The following DCBLD2 variants were observed in gnomAD, a reference collection of about 807,000 sequenced individuals.
DCBLD2 encodes discoidin, CUB and LCCL domain-containing protein 2.
A neutral mutation model predicts 86.8 loss-of-function variants in DCBLD2; 54 were observed. The observed-to-expected ratio is 0.62, with a 90% confidence interval of 0.50 to 0.78. DCBLD2 has a LOEUF of 0.78. Ranked by LOEUF, DCBLD2 falls within the 30% of genes least tolerant of loss-of-function variation. The pLI is 0.00. For synonymous variants in DCBLD2, 354 were observed against 341.3 expected, an observed-to-expected ratio of 1.04 and a Z score of -0.41; for missense variants, 908 against 954.2, an observed-to-expected ratio of 0.95 and a Z score of 0.64.
chr3:98,819,128 A>C, intron 8 of DCBLD2, 74 bp downstream of exon 8: 1 of 1,390,350 alleles, frequency 7.2e-7, no homozygotes. Flanking sequence ...TTTTCTCTGA[A>C]AATCTTAGAT....
chr3:98,870,650 TAGAG>T (rs1224947221), intron 2 of DCBLD2, among the ~76,000 whole-genome samples: 3 of 83,960 alleles, frequency 3.6e-5, no homozygotes, highest in Non-Finnish European at 7.3e-5. Context: ...GAAGAAGAGA[TAGAG>T]AAAGAGAGAG....
chr3:98,835,941 T>TC (rs1553726363), intron 3 of DCBLD2, among the ~76,000 whole-genome samples: 312 of 135,652 alleles, frequency 2.3e-3, no homozygotes, highest in Admixed American at 6.9e-3. Flanking sequence ...TTTCTTTCTT[T>TC]TTTTTTTTTT....
intron 9 of DCBLD2, chr3:98,814,247 C>T (rs1941985732): frequency 6.6e-6 from 1 of 152,130 alleles, no homozygotes; most frequent in African/African-American, 2.4e-5. Flanking sequence ...CTAGTGAGCT[C>T]CCGTGATTTC....
Position 98,901,271 on chromosome 3 carries a change from C to G in DCBLD2, c.56G>C (p.Arg19Pro). The G allele has an allele frequency of 6.5e-7, 1 of 1,530,172 alleles. No homozygotes were observed. The highest frequency in any genetic ancestry group is 2.5e-5 in the East Asian group (1 of 40,762). The allele number at this position is 1,530,172 out of a possible 1,614,324, so 94.8% of individuals were successfully genotyped here. A position where few individuals can be genotyped will look rare whatever the true frequency, so the allele number is the denominator to read the frequency against. Residue 19 changes from arginine to proline, a missense_variant, in exon 1 of 16, where the codon CGG (arginine) becomes CCG (proline). Arg to Pro is a moderately radical substitution (Grantham distance 103, BLOSUM62 -2). Transcript: ENST00000326840. Reference sequence around the variant, plus strand: ...CCAGGCGGGGGCGGCGGCCGCGGCCCGGACTTGGGGACACTGCGGGCAGCG... The same window carrying G: ...CCAGGCGGGGGCGGCGGCCGCGGCCGGGACTTGGGGACACTGCGGGCAGCG... ...ARRCPQCPQVRAAAAAPAWAA... is the reference protein window; with the variant it reads ...ARRCPQCPQVPAAAAAPAWAA...
At chr3:98,868,602 C>A (rs1943203167) in intron 2 of DCBLD2, among the ~76,000 whole-genome samples, 1 of 152,022 alleles carries the variant, frequency 6.6e-6, no homozygotes, top group South Asian at 2.1e-4. Flanking sequence ...TTTTTAATCC[C>A]TTACCACCCT....
intron 2 of DCBLD2, among the ~76,000 whole-genome samples, chr3:98,867,087 C>T (rs1177971674): frequency 2.0e-5 from 3 of 152,174 alleles, no homozygotes; most frequent in South Asian, 2.1e-4. Context: ...GGTCCCAGTA[C>T]CATGCTGTTT....
chr3:98,819,820 T>C (rs935469160), intron 7 of DCBLD2, among the ~76,000 whole-genome samples: 4 of 152,184 alleles, frequency 2.6e-5, no homozygotes, highest in African/African-American at 7.2e-5. Flanking sequence ...TTTTATCATA[T>C]TGTAAACAGT....
At chr3:98,804,532 G>A (rs991581916) in intron 13 of DCBLD2, among the ~76,000 whole-genome samples, 3 of 151,894 alleles carry the variant, frequency 2.0e-5, no homozygotes. Flanking sequence ...AGGGTTTTTT[G>A]TCTCTATCTC....
Position 98,881,775 on chromosome 3 carries a change from A to G in DCBLD2, c.206-8T>C, listed in dbSNP as rs774228429. On this transcript the variant is annotated splice_region_variant and splice_polypyrimidine_tract_variant and intron_variant, in intron 1 of 15. Transcript: ENST00000326840. ...TGTGTCCACATCCATCACCTTTAAAAAAAGTGAAAAGAATGATAAATTATT... is the reference window on the plus strand; with the variant it reads ...TGTGTCCACATCCATCACCTTTAAAGAAAGTGAAAAGAATGATAAATTATT... 3.8e-6 allele frequency: 6 copies of G among 1,580,732 alleles called. No homozygotes were observed. The highest frequency in any genetic ancestry group is 4.3e-6 in the Non-Finnish European group (5 of 1,158,340).
chr3:98,899,586 T>G (rs1193707670), intron 1 of DCBLD2, among the ~76,000 whole-genome samples: 2 of 152,150 alleles, frequency 1.3e-5, no homozygotes, highest in Non-Finnish European at 2.9e-5. Context: ...ATCCCTCATT[T>G]GGAAGGTAGA....
Position 98,798,339 on chromosome 3 carries a change from T to C in DCBLD2, c.*1033A>G, listed in dbSNP as rs1465260708. ...GACTCAAGAAAAATGTATATGTTTG[T>C]GAATGTATAAAACCAAAAAGGACAA... On this transcript the variant is annotated 3_prime_UTR_variant, in exon 16 of 16. Transcript: ENST00000326840. The C allele has an allele frequency of 6.6e-6, 1 of 152,202 alleles. No individual in the cohort carries two copies. Among genetic ancestry groups the C allele is most frequent in the African/African-American group, 2.4e-5 (1 of 41,448 alleles). 9.4% of individuals were successfully genotyped at this position (152,202 alleles called of 1,614,324 possible).
chr3:98,820,351 G>C (rs1942097070), intron 6 of DCBLD2, 63 bp from the exon 7 acceptor site: 1 of 1,246,156 alleles, frequency 8.0e-7, no homozygotes. Context: ...CATATTTAGT[G>C]AAACATTTTC....
intron 3 of DCBLD2, among the ~76,000 whole-genome samples, chr3:98,839,467 T>C (rs1467450151): frequency 6.6e-6 from 1 of 152,154 alleles, no homozygotes; most frequent in Non-Finnish European, 1.5e-5. Flanking sequence ...AATAAGGGAA[T>C]TGTATGGTGT....
intron 2 of DCBLD2, among the ~76,000 whole-genome samples, chr3:98,857,332 C>A (rs984088769): frequency 2.0e-5 from 3 of 152,076 alleles, no homozygotes; most frequent in Admixed American, 1.3e-4. Context: ...AAGAACAAAG[C>A]TTCCACAGTG....
At position 98,807,991 on chromosome 3, in the gene DCBLD2, C is replaced by T; in HGVS notation, c.1670+90G>A. On this transcript the variant is annotated intron_variant, in intron 13 of 15. Transcript: ENST00000326840. Reference sequence around the variant, plus strand: ...TTTAATAATTACCTTAACTCTCACTCTCAAACAGGTAAACATTTTCATCTT... The same window carrying T: ...TTTAATAATTACCTTAACTCTCACTTTCAAACAGGTAAACATTTTCATCTT... The T allele has an allele frequency of 3.0e-6, 3 of 989,808 alleles. No individual in the cohort carries two copies. The South Asian group carries it at 8.2e-5, about 27-fold the overall frequency. 61.3% of individuals were successfully genotyped at this position (989,808 alleles called of 1,614,324 possible).
intron 1 of DCBLD2, among the ~76,000 whole-genome samples, chr3:98,892,146 A>C (rs1394426301): frequency 6.6e-6 from 1 of 152,102 alleles, no homozygotes; most frequent in East Asian, 1.9e-4. Context: ...AATTCTAGAC[A>C]TGCCAGTTTT....
Position 98,865,346 on chromosome 3 carries a change from T to G in DCBLD2, c.434-15748A>C, listed in dbSNP as rs79076741. Among the ~76,000 whole-genome samples the G allele has an allele frequency of 1.4e-4, 22 of 152,242 alleles. No individual in the cohort carries two copies. In the East Asian group the frequency reaches 3.1e-3, roughly 21 times the overall value. ...TGGATGAAACTGGAGGATATGATGTTAAGCGAAATAAGCAAGGCATAGAAA... is the reference window on the plus strand; with the variant it reads ...TGGATGAAACTGGAGGATATGATGTGAAGCGAAATAAGCAAGGCATAGAAA... On this transcript the variant is annotated intron_variant, in intron 2 of 15. Transcript: ENST00000326840.
Position 98,901,463 on chromosome 3 carries a change from C to T in DCBLD2, c.-137G>A, listed in dbSNP as rs920791563. The stretch of plus-strand genomic sequence containing the variant: ...GCCCTCGCCTCACCCCGCGCCGGGA[C>T]CCTTCCGCCCCTCACCCCGCTTTCA... On this transcript the variant is annotated 5_prime_UTR_variant, in exon 1 of 16. Transcript: ENST00000326840. 4 of 818,430 alleles carry T rather than the reference C, an allele frequency of 4.9e-6. No homozygotes were observed. In the Admixed American group the frequency reaches 1.3e-4, roughly 27 times the overall value. The allele number at this position is 818,430 out of a possible 1,614,324, so 50.7% of individuals were successfully genotyped here. A position where few individuals can be genotyped will look rare whatever the true frequency, so the allele number is the denominator to read the frequency against.
At chr3:98,856,430 T>C (rs1289357738) in intron 2 of DCBLD2, among the ~76,000 whole-genome samples, 1 of 152,070 alleles carries the variant, frequency 6.6e-6, no homozygotes, top group Non-Finnish European at 1.5e-5. Flanking sequence ...CTACAAAGCT[T>C]ATAAACCACT....
Sources: allele counts gnomAD v4.1 joint callset (sites outside exome capture counted in the v4.1 genomes callset), GRCh38; gene constraint gnomAD v4.1.1; transcripts MANE v1.5; gene names NCBI Gene and HGNC (gene_info 2026-07-23, HGNC 2026-07-21).